RUFY2: variants seen among roughly 807,000 people sequenced by gnomAD.
RUFY2 encodes RUN and FYVE domain-containing protein 2.
A neutral mutation model predicts 94.4 loss-of-function variants in RUFY2; 49 were observed. The observed-to-expected ratio is 0.52, with a 90% CI of 0.41 to 0.66. RUFY2 has a LOEUF of 0.66. Ranked by LOEUF, RUFY2 falls within the 30% of genes least tolerant of loss-of-function variation. The pLI is 0.00. For synonymous variants in RUFY2, 255 were observed against 235.7 expected, an observed-to-expected ratio of 1.08 and a Z score of -0.75; for missense variants, 541 against 692.8, an observed-to-expected ratio of 0.78 and a Z score of 2.46.
Position 68,345,921 on chromosome 10 carries a change from AG to A in RUFY2, c.1678-11del. On this transcript the variant is annotated splice_polypyrimidine_tract_variant and intron_variant, in intron 17 of 17. Coordinates refer to ENST00000602465, the MANE Select transcript of RUFY2 (RefSeq NM_001330103.2). ...AATTTCTACAGTGGTGCTATTAAAC[AG>A]AAAAATCAGAGGGAAAAAAACACTT... 3 of 1,612,580 alleles carry A rather than the reference AG, an allele frequency of 1.9e-6. No homozygotes were observed. The highest frequency in any genetic ancestry group is 2.5e-6 in the Non-Finnish European group (3 of 1,179,506).
At chr10:68,361,140 G>C (rs980830764) in intron 15 of RUFY2, among the ~76,000 whole-genome samples, 3 of 151,568 alleles carry the variant, frequency 2.0e-5, no homozygotes, top group Non-Finnish European at 2.9e-5. Flanking sequence ...CAGGTGTGGT[G>C]GTGGGCGCCA....
chr10:68,402,197 G>T (rs532902291), intron 2 of RUFY2, among the ~76,000 whole-genome samples: 3 of 151,492 alleles, frequency 2.0e-5, no homozygotes, highest in Non-Finnish European at 2.9e-5. Context: ...GGCCTCAAGC[G>T]TTCCTCCTAT....
At chr10:68,392,277 C>A (rs1257345625) in intron 7 of RUFY2, among the ~76,000 whole-genome samples, 1 of 152,028 alleles carries the variant, frequency 6.6e-6, no homozygotes, top group Non-Finnish European at 1.5e-5. Context: ...AGGTGATCCA[C>A]CCGCCTCGGC....
chr10:68,365,554 A>G (rs12218269), intron 13 of RUFY2, among the ~76,000 whole-genome samples: 14,306 of 152,236 alleles, frequency 0.094, 1,008 homozygotes, highest in South Asian at 0.25. Context: ...CGGCCACCAG[A>G]GAGCCTGAAC....
chr10:68,351,466 T>C (rs982940471), intron 16 of RUFY2, among the ~76,000 whole-genome samples: 5 of 143,302 alleles, frequency 3.5e-5, no homozygotes, highest in African/African-American at 1.3e-4. Flanking sequence ...TTTTTTTTTT[T>C]TGAGACGGAA....
intron 15 of RUFY2, among the ~76,000 whole-genome samples, chr10:68,359,054 C>T (rs900153824): frequency 1.3e-5 from 2 of 152,012 alleles, no homozygotes; most frequent in Non-Finnish European, 2.9e-5. Context: ...AAAGGAGCAT[C>T]GGTTACAATC....
chr10:68,361,228 G>C (rs932188259), intron 15 of RUFY2, among the ~76,000 whole-genome samples: 4 of 149,050 alleles, frequency 2.7e-5, no homozygotes, highest in African/African-American at 9.9e-5. Flanking sequence ...GCAGTGAGCT[G>C]AGATAGCACC....
At chr10:68,364,458 G>T (rs751029384) in intron 13 of RUFY2, among the ~76,000 whole-genome samples, 2 of 152,166 alleles carry the variant, frequency 1.3e-5, no homozygotes, top group African/African-American at 4.8e-5. Context: ...GAACTAAGAG[G>T]AGGAATGTAA....
chr10:68,406,428 C>A (rs1299166022), intron 1 of RUFY2, among the ~76,000 whole-genome samples: 1 of 152,202 alleles, frequency 6.6e-6, no homozygotes, highest in Non-Finnish European at 1.5e-5. Flanking sequence ...TCATTTTTAA[C>A]ACAGCCCATC....
At chr10:68,370,089 G>A (rs1249175593) in intron 13 of RUFY2, among the ~76,000 whole-genome samples, 11 of 152,068 alleles carry the variant, frequency 7.2e-5, no homozygotes, top group Admixed American at 7.2e-4. Context: ...CTCGAGACCA[G>A]CCTGACCAAC....
chr10:68,377,982 G>A, intron 12 of RUFY2: 1 of 985,188 alleles, frequency 1.0e-6, no homozygotes, highest in Non-Finnish European at 1.2e-6. Flanking sequence ...AAATATTCAG[G>A]TGCTGGGATT....
At chr10:68,366,257 G>A (rs1336063236) in intron 13 of RUFY2, among the ~76,000 whole-genome samples, 2 of 146,424 alleles carry the variant, frequency 1.4e-5, no homozygotes, top group East Asian at 2.0e-4. Flanking sequence ...TTGGACCCGG[G>A]AGGCGGAGGT....
intron 13 of RUFY2, among the ~76,000 whole-genome samples, chr10:68,369,008 T>G (rs2048060704): frequency 6.6e-6 from 1 of 152,106 alleles, no homozygotes; most frequent in Non-Finnish European, 1.5e-5. Flanking sequence ...GAGCCTGGAT[T>G]TCTACTCTTG....
At chr10:68,391,996 A>C (rs1043694545) in intron 7 of RUFY2, among the ~76,000 whole-genome samples, 10 of 151,954 alleles carry the variant, frequency 6.6e-5, no homozygotes, top group African/African-American at 2.2e-4. Flanking sequence ...AAACAAACAA[A>C]AAAACTATGC....
intron 3 of RUFY2, among the ~76,000 whole-genome samples, chr10:68,399,651 C>A (rs1004279858): frequency 6.6e-6 from 1 of 152,154 alleles, no homozygotes; most frequent in African/African-American, 2.4e-5. Context: ...CATATATAAA[C>A]CCTAAGTTGT....
chr10:68,398,991 A>G (rs961245377), intron 3 of RUFY2, among the ~76,000 whole-genome samples: 4 of 151,850 alleles, frequency 2.6e-5, no homozygotes, highest in African/African-American at 9.7e-5. Flanking sequence ...TTTACACCTG[A>G]TATACCAAAA....
chr10:68,376,463 T>TAC (rs2048665374), intron 13 of RUFY2, among the ~76,000 whole-genome samples: 1 of 31,268 alleles, frequency 3.2e-5, no homozygotes, highest in African/African-American at 1.2e-4. Flanking sequence ...TATATATATA[T>TAC]ATATATATAT....
intron 3 of RUFY2, among the ~76,000 whole-genome samples, chr10:68,399,173 A>G (rs145504335): frequency 0.041 from 6,267 of 152,042 alleles, 411 homozygotes; most frequent in African/African-American, 0.14. Context: ...CCTCCCGAGT[A>G]GCTGGGACTA....
chr10:68,382,438 G>T (rs1320649831), intron 10 of RUFY2, among the ~76,000 whole-genome samples: 1 of 151,684 alleles, frequency 6.6e-6, no homozygotes, highest in Non-Finnish European at 1.5e-5. Context: ...TTATTGGCCT[G>T]GTGCGGTGGC....
Sources: allele counts gnomAD v4.1 joint callset (sites outside exome capture counted in the v4.1 genomes callset), GRCh38; gene constraint gnomAD v4.1.1; transcripts MANE v1.5; gene names NCBI Gene and HGNC (gene_info 2026-07-23, HGNC 2026-07-21).